Variants in ABCA1 observed in about 807,000 individuals in gnomAD.
ABCA1 encodes phospholipid-transporting ATPase ABCA1.
ABCA1 carries 133 observed loss-of-function variants against 262.5 expected under a neutral mutation model. That is an observed-to-expected ratio of 0.51 (90% CI 0.44 to 0.59). The LOEUF (loss-of-function observed/expected upper bound fraction) is 0.59. Among genes scored for constraint, ABCA1 ranks in the 20% least tolerant of loss-of-function variants. The pLI, the probability that ABCA1 is intolerant of heterozygous loss-of-function variation, is 0.00. For synonymous variants in ABCA1, 1,022 were observed against 1,043.5 expected (o/e 0.98, Z 0.40); for missense variants, 2,452 against 2,777.5 (o/e 0.88, Z 2.63).
intron 5 of ABCA1, among the ~76,000 whole-genome samples, chr9:104,862,646 G>GGCAGCGCCGGGCCGGGCAGC (rs1418865028): frequency 3.4e-4 from 1 of 2,902 alleles, no homozygotes; most frequent in Admixed American, 3.1e-3. Context: ...GGCCGGGCCG[G>GGCAGCGCCGGGCCGGGCAGC]GCCGGGCCGG....
chr9:104,900,027 A>G (rs1437874854), intron 2 of ABCA1, among the ~76,000 whole-genome samples: 1 of 152,204 alleles, frequency 6.6e-6, no homozygotes, highest in Non-Finnish European at 1.5e-5. Flanking sequence ...GAAACAGCGG[A>G]AAACTAACCC....
intron 17 of ABCA1, 154 bp downstream of exon 17, chr9:104,825,529 A>G (rs557455664): frequency 1.3e-6 from 1 of 761,826 alleles, no homozygotes; most frequent in South Asian, 1.5e-5. Context: ...TTGTACTTTC[A>G]GCATCAGCTG....
At position 104,806,346 on chromosome 9, in the gene ABCA1, G is replaced by C. The variant is rs776008828; in HGVS notation, c.4359C>G (p.Asn1453Lys). The change falls in exon 31 of 50, where the codon AAC becomes AAG. Residue 1453 changes from asparagine (N) to lysine (K), a missense_variant. Asn to Lys is a moderately conservative substitution (Grantham distance 94). Coordinates refer to ENST00000374736, the MANE Select transcript of ABCA1 (RefSeq NM_005502.4). ...CAGGTGAAGGGTTCTGCATTGTCCA[G>C]TTCCCATTCTGGAAGAGGTCCATGA... ...QTIMDLFQNGNWTMQNPSPAC... is the reference protein window; with the variant it reads ...QTIMDLFQNGKWTMQNPSPAC... 6.2e-7 allele frequency: 1 copy of C among 1,614,172 alleles called. No homozygotes were observed. The highest frequency in any genetic ancestry group is 8.5e-7 in the Non-Finnish European group (1 of 1,180,042).
intron 23 of ABCA1, among the ~76,000 whole-genome samples, chr9:104,818,182 AAG>A (rs1243925966): frequency 1.3e-5 from 2 of 152,056 alleles, no homozygotes; most frequent in Non-Finnish European, 2.9e-5. Context: ...AAAAAAAAAA[AAG>A]GTTGTAAATG....
chr9:104,815,969 C>T (rs1158431001), intron 25 of ABCA1, among the ~76,000 whole-genome samples, 174 bp downstream of exon 25: 1 of 152,190 alleles, frequency 6.6e-6, no homozygotes, highest in African/African-American at 2.4e-5. Flanking sequence ...TTCTTTCCTG[C>T]TATCTCCCAC....
intron 5 of ABCA1, among the ~76,000 whole-genome samples, chr9:104,865,703 A>G (rs1290814147): frequency 2.6e-5 from 4 of 152,100 alleles, no homozygotes; most frequent in African/African-American, 2.4e-5. Flanking sequence ...AAATTTTCTT[A>G]CCAATTAAGT....
intron 40 of ABCA1, among the ~76,000 whole-genome samples, 164 bp downstream of exon 40, chr9:104,794,223 T>A (rs1328119510): frequency 1.3e-5 from 2 of 152,196 alleles, no homozygotes; most frequent in African/African-American, 4.8e-5. Context: ...ACAAAACCCA[T>A]GCCACAACCA....
rs1831926811 is a variant in ABCA1, at chr9:104,817,933, T to C, written c.3463-529A>G. Reference sequence around the variant, plus strand: ...AGTGGATAGGAGTTTCAGGTTGGGATGTAAATACATTAGGTACCACTGGCT... The same window carrying C: ...AGTGGATAGGAGTTTCAGGTTGGGACGTAAATACATTAGGTACCACTGGCT... On this transcript the variant is annotated intron_variant, in intron 23 of 49. Coordinates refer to ENST00000374736, the MANE Select transcript of ABCA1 (RefSeq NM_005502.4). The surrounding 1 kb of genome is among the most constrained non-coding windows in gnomAD (Gnocchi z 4.7). Among the ~76,000 whole-genome samples the C allele has an allele frequency of 6.6e-6, 1 of 152,212 alleles. No homozygotes were observed. The highest frequency in any genetic ancestry group is 1.9e-4 in the East Asian group (1 of 5,198).
At position 104,806,295 on chromosome 9, in the gene ABCA1, G is replaced by T. The variant is rs926270867; in HGVS notation, c.4410C>A (p.Ile1470=). 1.9e-5 allele frequency: 30 copies of T among 1,614,048 alleles called. No individual in the cohort carries two copies. Among genetic ancestry groups the T allele is most frequent in the Non-Finnish European group, 2.2e-5 (26 of 1,180,032 alleles). Residue 1470 remains isoleucine (I), a synonymous_variant, in exon 31 of 50, where the codon ATC becomes ATA. Transcript: ENST00000374736. Reference sequence around the variant, plus strand: ...GGGGACACACAGGCAGCATCTTCTTGATTTTGTCGCTGCTACACTGGCATG... The same window carrying T: ...GGGGACACACAGGCAGCATCTTCTTTATTTTGTCGCTGCTACACTGGCATG... ...SPACQCSSDK[I]KKMLPVCPPG... is the part of the protein sequence containing the mutation.
chr9:104,850,502 G>A (rs1452258402), intron 7 of ABCA1, among the ~76,000 whole-genome samples: 1 of 150,484 alleles, frequency 6.6e-6, no homozygotes, highest in Non-Finnish European at 1.5e-5. Context: ...TCAATGAAAA[G>A]ATAAAAGAGG....
chr9:104,847,917 A>C (rs949452106), intron 7 of ABCA1, among the ~76,000 whole-genome samples: 1 of 152,234 alleles, frequency 6.6e-6, no homozygotes, highest in Non-Finnish European at 1.5e-5. Context: ...ATATGTCTAT[A>C]TGTATAGACA....
At chr9:104,857,063 G>A (rs1194874914) in intron 7 of ABCA1, among the ~76,000 whole-genome samples, 1 of 152,114 alleles carries the variant, frequency 6.6e-6, no homozygotes, top group Non-Finnish European at 1.5e-5. Flanking sequence ...CCAACACTTT[G>A]GGAGGCCGAG....
At chr9:104,918,979 CA>C (rs1841988641) in intron 1 of ABCA1, among the ~76,000 whole-genome samples, 1 of 152,198 alleles carries the variant, frequency 6.6e-6, no homozygotes, top group South Asian at 2.1e-4. Context: ...CAAGGGTGAA[CA>C]GGGATATGAC....
At chr9:104,870,225 T>G (rs1244697932) in intron 5 of ABCA1, among the ~76,000 whole-genome samples, 1 of 152,238 alleles carries the variant, frequency 6.6e-6, no homozygotes, top group East Asian at 1.9e-4. Context: ...AACAAACTTC[T>G]GAATGGCTAC....
chr9:104,826,459 G>T lies in ABCA1; in HGVS notation c.2337+489C>A, dbSNP rs1832819283. ...TGTCCAAGTCAGGAATTTGTGGGAT[G>T]AGGCACCTGCTCCTCAGTTGTGCTT... On this transcript the variant is annotated intron_variant, in intron 16 of 49. Coordinates refer to ENST00000374736, the MANE Select transcript of ABCA1 (RefSeq NM_005502.4). Among the ~76,000 whole-genome samples, 3 of 152,178 alleles carry T rather than the reference G, an allele frequency of 2.0e-5. No homozygotes were observed. The South Asian group carries it at 6.2e-4, about 32-fold the overall frequency.
intron 6 of ABCA1, 98 bp from the exon 7 acceptor site, chr9:104,858,796 G>T: frequency 8.2e-7 from 1 of 1,220,848 alleles, no homozygotes; most frequent in Non-Finnish European, 1.2e-6. Flanking sequence ...TATCAATACA[G>T]CTTTGAAGAT....
chr9:104,819,965 G>C lies in ABCA1; in HGVS notation c.3065C>G (p.Pro1022Arg), dbSNP rs1374798906. 6.2e-7 allele frequency: 1 copy of C among 1,613,990 alleles called. No homozygotes were observed. Among genetic ancestry groups the C allele is most frequent in the South Asian group, 1.1e-5 (1 of 91,078 alleles). ...TGTTTTGCTTTTCAGCTTGCTTGAT[G>C]GCAAACCAACATCCAGGGCCATCTG... ...MEQMALDVGL[P>R]SSKLKSKTSQ... is the part of the protein sequence containing the mutation. Residue 1022 changes from proline (P) to arginine (R), a missense_variant, in exon 21 of 50, where the codon CCA (proline) becomes CGA (arginine). Coordinates refer to ENST00000374736, the MANE Select transcript of ABCA1 (RefSeq NM_005502.4).
At chr9:104,906,141 G>T (rs1032871973) in intron 1 of ABCA1, among the ~76,000 whole-genome samples, 3 of 152,150 alleles carry the variant, frequency 2.0e-5, no homozygotes, top group Non-Finnish European at 2.9e-5. Flanking sequence ...GCTGAGAAAT[G>T]GTTATATCCT....
At chr9:104,913,730 A>T (rs930229033) in intron 1 of ABCA1, among the ~76,000 whole-genome samples, 1 of 152,174 alleles carries the variant, frequency 6.6e-6, no homozygotes, top group African/African-American at 2.4e-5. Context: ...ACATTCTCAC[A>T]GAGGTTGCAC....
Sources: allele counts gnomAD v4.1 joint callset (sites outside exome capture counted in the v4.1 genomes callset), GRCh38; gene constraint gnomAD v4.1.1; non-coding constraint Gnocchi (gnomAD v3.1); transcripts MANE v1.5; gene names NCBI Gene and HGNC (gene_info 2026-07-23, HGNC 2026-07-21).